Variants in GRIN3B observed in about 807,000 individuals in gnomAD.
GRIN3B encodes glutamate ionotropic receptor NMDA type subunit 3B.
In GRIN3B, 77 loss-of-function variants were observed where a neutral mutation model predicts 66.0. The ratio of observed to expected loss-of-function variants is 1.17; its 90% CI spans 0.97 to 1.41. GRIN3B has a LOEUF of 1.41. Ranked by LOEUF, GRIN3B falls within the 40% of genes most tolerant of loss-of-function variation. GRIN3B has a pLI of 0.00. For synonymous variants in GRIN3B, 823 were observed against 749.7 expected (o/e 1.10, Z -1.60); for missense variants, 1,787 against 1,564.5 (o/e 1.14, Z -2.40).
At position 1,003,544 on chromosome 19, in the gene GRIN3B, C is replaced by T; in HGVS notation, c.841C>T (p.Leu281=). The part of the protein sequence containing the change: ...TAGLPPGLLA[L]GEVARPPLEA... ...GGGGCTGCCACCAGGGCTGCTGGCG[C>T]TGGGCGAGGTGGCACGACCCCCGCT... is the stretch of plus-strand genomic sequence containing the variant. Residue 281 remains leucine, a synonymous_variant, in exon 2 of 9, where the codon CTG becomes TTG. Coordinates refer to ENST00000234389, the MANE Select transcript of GRIN3B (RefSeq NM_138690.3). 6.6e-7 allele frequency: 1 copy of T among 1,522,730 alleles called. No individual in the cohort carries two copies. Among genetic ancestry groups the T allele is most frequent in the Non-Finnish European group, 8.8e-7 (1 of 1,140,386 alleles). 94.3% of individuals were successfully genotyped at this position (1,522,730 alleles called of 1,614,324 possible).
At chr19:1,001,407 AT>A (rs1160945330) in intron 1 of GRIN3B, among the ~76,000 whole-genome samples, 2 of 151,300 alleles carry the variant, frequency 1.3e-5, no homozygotes, top group Admixed American at 6.6e-5. Flanking sequence ...AGCCTCCATC[AT>A]TCCAACCCCG....
At position 1,005,279 on chromosome 19, in the gene GRIN3B, C is replaced by T. The variant is rs758440584; in HGVS notation, c.1778C>T (p.Thr593Ile). ...AALHLTALFL[T>I]VYEWRSPYGL... Reference sequence around the variant, plus strand: ...CTGCACCTCACCGCGCTCTTCCTCACCGTGTACGAGTGGCGTAGCCCCTAC... The same window carrying T: ...CTGCACCTCACCGCGCTCTTCCTCATCGTGTACGAGTGGCGTAGCCCCTAC... The change falls in exon 3 of 9, where the codon ACC (threonine) becomes ATC (isoleucine). Residue 593 changes from threonine (T) to isoleucine (I), a missense_variant. Thr to Ile is a moderately conservative substitution (Grantham distance 89). Transcript: ENST00000234389. This position sits in a 1 kb window ranked among gnomAD's most constrained non-coding sequence, Gnocchi z 5.2. 1 of 1,613,506 alleles carries T rather than the reference C, an allele frequency of 6.2e-7. No individual in the cohort carries two copies. Among genetic ancestry groups the T allele is most frequent in the Non-Finnish European group, 8.5e-7 (1 of 1,180,004 alleles).
In GRIN3B at chr19:1,005,329, C is replaced by G. The variant is rs145253713; in HGVS notation, c.1828C>G (p.Arg610Gly). Residue 610 changes from arginine to glycine, a missense_variant, in exon 3 of 9, where the codon CGC (arginine) becomes GGC (glycine). Transcript: ENST00000234389. The surrounding 1 kb of genome is among the most constrained non-coding windows in gnomAD (Gnocchi z 5.2). ...CGGCCTCACGCCACGTGGCCGCAAC[C>G]GCAGCACCGTCTTCTCCTACTCCTC... ...PYGLTPRGRNRSTVFSYSSAL... is the reference protein window; with the variant it reads ...PYGLTPRGRNGSTVFSYSSAL... 1.9e-6 allele frequency: 3 copies of G among 1,613,772 alleles called. No individual in the cohort carries two copies. Among genetic ancestry groups the G allele is most frequent in the Non-Finnish European group, 2.5e-6 (3 of 1,180,004 alleles).
intron 1 of GRIN3B, chr19:1,002,289 G>A (rs1421033715): frequency 6.6e-6 from 1 of 151,420 alleles, no homozygotes; most frequent in East Asian, 1.9e-4. Context: ...GGAGGCCGAG[G>A]CGGGCGGATC....
chr19:1,008,505 G>A (rs2285905), intron 6 of GRIN3B, 113 bp from the exon 7 acceptor site: 131,873 of 1,278,522 alleles, frequency 0.1, 7,537 homozygotes, highest in Middle Eastern at 0.18. Context: ...TCCCAACCTG[G>A]CTCCACTGCC....
rs566603277 is a variant in GRIN3B, at chr19:1,005,200, G to A, written c.1699G>A (p.Gly567Ser). Residue 567 changes from glycine to serine, a missense_variant, in exon 3 of 9, where the codon GGT becomes AGT. Gly to Ser is a moderately conservative substitution (Grantham distance 56, BLOSUM62 0). Transcript: ENST00000234389. This position sits in a 1 kb window ranked among gnomAD's most constrained non-coding sequence, Gnocchi z 5.2. ...VRARDTASPI[G>S]AFMWPLHWST... is the part of the protein sequence containing the mutation. ...GGCACGGGACACGGCCTCACCCATC[G>A]GTGCCTTTATGTGGCCCCTGCACTG... 1.6e-4 allele frequency: 261 copies of A among 1,613,534 alleles called. 5 individuals carry two copies. The South Asian group carries it at 2.5e-3, about 15-fold the overall frequency.
Position 1,004,715 on chromosome 19 carries a change from C to A in GRIN3B, c.1214C>A (p.Pro405His), listed in dbSNP as rs772270429. 6.2e-7 allele frequency: 1 copy of A among 1,605,502 alleles called. No individual in the cohort carries two copies. The highest frequency in any genetic ancestry group is 2.2e-5 in the East Asian group (1 of 44,662). The change falls in exon 3 of 9, where the codon CCC becomes CAC. Residue 405 changes from proline to histidine, a missense_variant. Pro to His is a moderately conservative substitution (Grantham distance 77). Transcript: ENST00000234389. ...GAACCGGGAGGTGCCTCTGCACGGC[C>A]CCCGCCCCCACAGGGTGCCCAGGTC... ...DLEPGGASAR[P>H]PPPQGAQVWP...
Position 1,009,630 on chromosome 19 carries a change from GAC to G in GRIN3B, c.*38_*39del, listed in dbSNP as rs560685871. The G allele has an allele frequency of 6.0e-5, 84 of 1,395,938 alleles. No individual in the cohort carries two copies. Among genetic ancestry groups the G allele is most frequent in the East Asian group, 1.5e-4 (5 of 33,722 alleles). 86.5% of individuals were successfully genotyped at this position (1,395,938 alleles called of 1,614,324 possible). ...CGGCAGCCGGGCCGTTTGGGCTCAA[GAC>G]ACACACACAGCGCAGTGAGCCGCTG... is the stretch of plus-strand genomic sequence containing the variant. On this transcript the variant is annotated 3_prime_UTR_variant, in exon 9 of 9. Transcript: ENST00000234389.
rs575414439 is a variant in GRIN3B at position 1,008,909 on chromosome 19, C to T, written c.2684C>T (p.Thr895Met). 5 of 1,609,122 alleles carry T rather than the reference C, an allele frequency of 3.1e-6. No individual in the cohort carries two copies. Among genetic ancestry groups the T allele is most frequent in the South Asian group, 2.2e-5 (2 of 90,536 alleles). ...TEPPEGSKEE[T>M]AEAEPSGPEV... ...CCACCAGAGGGGTCGAAGGAGGAGA[C>T]GGCAGAGGCGGAGCCCAGGTAAGTG... is the stretch of plus-strand genomic sequence containing the variant. The change falls in exon 8 of 9, where the codon ACG (threonine) becomes ATG (methionine). Residue 895 changes from threonine to methionine, a missense_variant. Transcript: ENST00000234389.
rs948431587 is a variant in GRIN3B at position 1,007,317 on chromosome 19, A to T, written c.2053-311A>T. On this transcript the variant is annotated intron_variant, in intron 3 of 8. Coordinates refer to ENST00000234389, the MANE Select transcript of GRIN3B (RefSeq NM_138690.3). This position sits in a 1 kb window ranked among gnomAD's most constrained non-coding sequence, Gnocchi z 4.4. ...GGGACCCCCAGGGGAGAGGCAGAGG[A>T]GGTGGTGGGATAGGCGTCCAGCCCA... Among the ~76,000 whole-genome samples, 8 of 151,666 alleles carry T rather than the reference A, an allele frequency of 5.3e-5. No homozygotes were observed. Among genetic ancestry groups the T allele is most frequent in the African/African-American group, 1.9e-4 (8 of 41,290 alleles).
In GRIN3B at chr19:1,003,253, C is replaced by T; in HGVS notation, c.550C>T (p.Pro184Ser). Residue 184 changes from proline (P) to serine (S), a missense_variant, in exon 2 of 9, where the codon CCC becomes TCC. Coordinates refer to ENST00000234389, the MANE Select transcript of GRIN3B (RefSeq NM_138690.3). ...CCTGGCCCTGTGCCGCACTCAGGAC[C>T]CCGGCGGCCTGGTGGCCCTCTGGAC... The part of the protein sequence containing the change: ...VGLALCRTQD[P>S]GGLVALWTSR... 1.9e-6 allele frequency: 3 copies of T among 1,574,520 alleles called. No homozygotes were observed. The highest frequency in any genetic ancestry group is 2.6e-6 in the Non-Finnish European group (3 of 1,161,916).
At position 1,001,780 on chromosome 19, in the gene GRIN3B, C is replaced by G. The variant is rs1439352127; in HGVS notation, c.426+917C>G. Reference sequence around the variant, plus strand: ...AGGTGTCAAGGGGACCCCTGTCCCCCCACCGCCCTAGGGCTGGTGGGAGAG... The same window carrying G: ...AGGTGTCAAGGGGACCCCTGTCCCCGCACCGCCCTAGGGCTGGTGGGAGAG... On this transcript the variant is annotated intron_variant, in intron 1 of 8. Transcript: ENST00000234389. Among the ~76,000 whole-genome samples the G allele has an allele frequency of 5.9e-5, 9 of 152,122 alleles. No homozygotes were observed. In the East Asian group the frequency reaches 7.7e-4, roughly 13 times the overall value.
At position 1,008,357 on chromosome 19, in the gene GRIN3B, G is replaced by A. The variant is rs1444824414; in HGVS notation, c.2466+66G>A. 2.4e-6 allele frequency: 3 copies of A among 1,262,496 alleles called. No homozygotes were observed. In the African/African-American group the frequency reaches 4.5e-5, roughly 19 times the overall value. The allele number at this position is 1,262,496 out of a possible 1,614,324, so 78.2% of individuals were successfully genotyped here. A position where few individuals can be genotyped will look rare whatever the true frequency, so the allele number is the denominator to read the frequency against. ...GCGTGGGGGGCCCTGAGCCTTGTCT[G>A]AAGTGACCAACCCCAGTGCTCATTC... is the stretch of plus-strand genomic sequence containing the variant. On this transcript the variant is annotated intron_variant, in intron 6 of 8. Coordinates refer to ENST00000234389, the MANE Select transcript of GRIN3B (RefSeq NM_138690.3).
Position 1,007,956 on chromosome 19 carries a change from CCCTTCGCCA to C in GRIN3B, c.2300_2308del (p.Pro767_Ile770delinsLeu). 1 of 1,612,032 alleles carries C rather than the reference CCCTTCGCCA, an allele frequency of 6.2e-7. No individual in the cohort carries two copies. The highest frequency in any genetic ancestry group is 8.5e-7 in the Non-Finnish European group (1 of 1,179,602). On this transcript the variant is annotated inframe_deletion, in exon 5 of 9. Coordinates refer to ENST00000234389, the MANE Select transcript of GRIN3B (RefSeq NM_138690.3). This position sits in a 1 kb window ranked among gnomAD's most constrained non-coding sequence, Gnocchi z 4.4. Reference sequence around the variant, plus strand: ...CTGCAAACTGCTGACCGTGGGAAAGCCCTTCGCCATTGAGGGTGAGAGGCACCTGGGCGA... The same window carrying C: ...CTGCAAACTGCTGACCGTGGGAAAGCTTGAGGGTGAGAGGCACCTGGGCGA...
Position 1,000,688 on chromosome 19 carries a change from C to G in GRIN3B, c.251C>G (p.Pro84Arg). Residue 84 changes from proline (P) to arginine (R), a missense_variant, in exon 1 of 9, where the codon CCC becomes CGC. Transcript: ENST00000234389. The part of the protein sequence containing the change: ...LVVAAPPARD[P>R]ASLTRGLCQA... ...GTCGCCGCGCCCCCCGCCCGCGACCCCGCCTCGCTGACCCGCGGCCTGTGC... is the reference window on the plus strand; with the variant it reads ...GTCGCCGCGCCCCCCGCCCGCGACCGCGCCTCGCTGACCCGCGGCCTGTGC... The G allele has an allele frequency of 7.3e-7, 1 of 1,364,678 alleles. No individual in the cohort carries two copies. The highest frequency in any genetic ancestry group is 9.5e-7 in the Non-Finnish European group (1 of 1,056,652). 84.5% of individuals were successfully genotyped at this position (1,364,678 alleles called of 1,614,324 possible).
chr19:1,007,039 G>A lies in GRIN3B; in HGVS notation c.2053-589G>A, dbSNP rs2038756876. 6.6e-6 allele frequency among the ~76,000 whole-genome samples: 1 copy of A among 152,214 alleles called. No individual in the cohort carries two copies. Among genetic ancestry groups the A allele is most frequent in the African/African-American group, 2.4e-5 (1 of 41,450 alleles). ...CGGGTGGTGCAGGGAGGACCCCGCA[G>A]AGGGGCCTGGGCTGGTCGAGGATGT... is the stretch of plus-strand genomic sequence containing the variant. On this transcript the variant is annotated intron_variant, in intron 3 of 8. Transcript: ENST00000234389. The surrounding 1 kb of genome is among the most constrained non-coding windows in gnomAD (Gnocchi z 4.4).
intron 2 of GRIN3B, among the ~76,000 whole-genome samples, chr19:1,004,094 AAGTC>A (rs1472297113): frequency 1.3e-5 from 2 of 152,192 alleles, no homozygotes; most frequent in Non-Finnish European, 2.9e-5. Flanking sequence ...CAAACACACA[AAGTC>A]AGGATGCTTT....
Position 1,005,434 on chromosome 19 carries a change from C to A in GRIN3B, c.1933C>A (p.Leu645Ile), listed in dbSNP as rs570614338. The change falls in exon 3 of 9, where the codon CTC becomes ATC. Residue 645 changes from leucine to isoleucine, a missense_variant. Transcript: ENST00000234389. This position sits in a 1 kb window ranked among gnomAD's most constrained non-coding sequence, Gnocchi z 5.2. ...GCCCAAGTGCCCCACGGGCCGCCTGCTCATGAACCTCTGGGCCATCTTCTG... is the reference window on the plus strand; with the variant it reads ...GCCCAAGTGCCCCACGGGCCGCCTGATCATGAACCTCTGGGCCATCTTCTG... ...KTPKCPTGRL[L>I]MNLWAIFCLL... is the part of the protein sequence containing the mutation. 1 of 1,613,650 alleles carries A rather than the reference C, an allele frequency of 6.2e-7. No homozygotes were observed. The highest frequency in any genetic ancestry group is 1.7e-5 in the Admixed American group (1 of 60,024).
rs1234045790 is a variant in GRIN3B, at chr19:1,009,294, G to T, written c.2824G>T (p.Val942Leu). ...CGTGCGCTTCCTGCTGGAGCCCGCC[G>T]TGGTTGTGGCACCCGAAGCGGACGC... is the stretch of plus-strand genomic sequence containing the variant. Reference protein sequence around the residue: ...RRVRFLLEPAVVVAPEADAEA... With the variant: ...RRVRFLLEPALVVAPEADAEA... The change falls in exon 9 of 9, where the codon GTG becomes TTG. Residue 942 changes from valine (V) to leucine (L), a missense_variant. Physicochemically the swap from Val to Leu is conservative, Grantham distance 32. Coordinates refer to ENST00000234389, the MANE Select transcript of GRIN3B (RefSeq NM_138690.3). The T allele has an allele frequency of 7.1e-7, 1 of 1,411,560 alleles. No homozygotes were observed. Among genetic ancestry groups the T allele is most frequent in the Non-Finnish European group, 9.1e-7 (1 of 1,093,114 alleles). 87.4% of individuals were successfully genotyped at this position (1,411,560 alleles called of 1,614,324 possible).
Sources: gnomAD v4.1 joint callset for allele counts (sites outside exome capture counted in the v4.1 genomes callset) on GRCh38, gnomAD v4.1.1 for gene constraint, Gnocchi (gnomAD v3.1) non-coding constraint, MANE v1.5 for transcripts, NCBI Gene and HGNC (gene_info 2026-07-23, HGNC 2026-07-21) for gene names.